PTPRU: variants seen among roughly 807,000 people sequenced by gnomAD.
PTPRU encodes protein tyrosine phosphatase receptor type U.
Under a neutral mutation model 166.3 loss-of-function variants are expected in PTPRU, and 69 were observed. The ratio of observed to expected loss-of-function variants is 0.41; its 90% CI spans 0.34 to 0.51. The LOEUF (loss-of-function observed/expected upper bound fraction) is 0.51, where lower values mean the gene tolerates loss of function less well. PTPRU is among the 20% of genes least tolerant of loss of function. The probability of loss-of-function intolerance (pLI) is 0.09; values close to 1 mark genes in which losing one functional copy is unlikely to be tolerated. For missense variants in PTPRU, 1,657 were observed against 2,013.7 expected (o/e 0.82, Z 3.39); for synonymous variants, 793 against 814.0 (o/e 0.97, Z 0.44).
chr1:29,277,011 C>T (rs916860688), intron 8 of PTPRU, among the ~76,000 whole-genome samples: 186 of 152,320 alleles, frequency 1.2e-3, no homozygotes, highest in African/African-American at 4.3e-3. Context: ...GTTGTCTATA[C>T]AATTGAACTG....
rs200502248 is a variant in PTPRU, at chr1:29,279,043, C to G, written c.1485C>G (p.Thr495=). 6.3e-7 allele frequency: 1 copy of G among 1,592,144 alleles called. No homozygotes were observed. Among genetic ancestry groups the G allele is most frequent in the Non-Finnish European group, 8.6e-7 (1 of 1,168,906 alleles). ...VPSGIAAESL[T]FTPLEDMIFL... ...GTGGGATTGCAGCCGAGTCCCTGACCTTCACTCCACTGGAGGACATGATCT... is the reference window on the plus strand; with the variant it reads ...GTGGGATTGCAGCCGAGTCCCTGACGTTCACTCCACTGGAGGACATGATCT... Residue 495 remains threonine (T), a synonymous_variant, in exon 9 of 30, where the codon ACC becomes ACG. Transcript: ENST00000373779. This position sits in a 1 kb window ranked among gnomAD's most constrained non-coding sequence, Gnocchi z 5.2.
chr1:29,315,289 C>A lies in PTPRU; in HGVS notation c.3228-83C>A. On this transcript the variant is annotated intron_variant, in intron 22 of 29. Transcript: ENST00000373779. This position sits in a 1 kb window ranked among gnomAD's most constrained non-coding sequence, Gnocchi z 4.5. The stretch of plus-strand genomic sequence containing the variant: ...TGTCCCCTGTATGGTGTAGACATGG[C>A]CAGTGCCCTCCTCTCTTCTTCTCCT... 4 of 1,548,784 alleles carry A rather than the reference C, an allele frequency of 2.6e-6. No individual in the cohort carries two copies. Among genetic ancestry groups the A allele is most frequent in the South Asian group, 1.1e-5 (1 of 88,030 alleles).
intron 5 of PTPRU, 40 bp downstream of exon 5, chr1:29,259,604 A>AGGGGGGGG: frequency 3.6e-6 from 1 of 280,240 alleles, no homozygotes. Flanking sequence ...GCGGGGTGGG[A>AGGGGGGGG]GGGGGTTGGT....
At chr1:29,318,055 G>A in intron 25 of PTPRU, 134 bp downstream of exon 25, 1 of 1,197,624 alleles carries the variant, frequency 8.3e-7, no homozygotes. Flanking sequence ...AGGCCTGTGT[G>A]TGACCCTCCT....
Position 29,314,881 on chromosome 1 carries a change from G to A in PTPRU, c.3228-491G>A, listed in dbSNP as rs186782117. Among the ~76,000 whole-genome samples the A allele has an allele frequency of 2.0e-3, 304 of 152,204 alleles. 1 individual carries two copies. The highest frequency in any genetic ancestry group is 7.1e-3 in the African/African-American group (295 of 41,526). On this transcript the variant is annotated intron_variant, in intron 22 of 29. Coordinates refer to ENST00000373779, the MANE Select transcript of PTPRU (RefSeq NM_133178.4). ...GGCCTGAGCCACCGTGCCTGGCCAC[G>A]AAGAGTGTTTTAATAAAAACCTGCC...
Position 29,323,724 on chromosome 1 carries a change from C to T in PTPRU, c.4048C>T (p.Leu1350=). The part of the protein sequence containing the change: ...TPDSKKAFLH[L]LAEVDKWQAE... ...TGACTCCAAGAAGGCCTTCTTGCAC[C>T]TGCTGGCTGAGGTGGACAAGTGGCA... The change falls in exon 28 of 30, where the codon CTG becomes TTG. Residue 1350 remains leucine (L), a synonymous_variant. Transcript: ENST00000373779. 1 of 1,614,170 alleles carries T rather than the reference C, an allele frequency of 6.2e-7. No homozygotes were observed. The highest frequency in any genetic ancestry group is 8.5e-7 in the Non-Finnish European group (1 of 1,180,016).
chr1:29,259,758 G>T, intron 5 of PTPRU, 112 bp from the exon 6 acceptor site: 2 of 1,345,056 alleles, frequency 1.5e-6, no homozygotes, highest in East Asian at 2.5e-5. Flanking sequence ...GCGGCTCCAG[G>T]AACCTATGTC....
Position 29,291,749 on chromosome 1 carries a change from T to C in PTPRU, c.2319-120T>C. On this transcript the variant is annotated intron_variant, in intron 14 of 29. Transcript: ENST00000373779. This position sits in a 1 kb window ranked among gnomAD's most constrained non-coding sequence, Gnocchi z 4.1. ...AGAGCCCTCAGCATCCAGAGATGCT[T>C]CTAGGACAGCTGCTGGCTCCTGGCC... 9.4e-7 allele frequency: 1 copy of C among 1,068,382 alleles called. No individual in the cohort carries two copies. Among genetic ancestry groups the C allele is most frequent in the Non-Finnish European group, 1.4e-6 (1 of 733,196 alleles). The allele number at this position is 1,068,382 out of a possible 1,614,324, so 66.2% of individuals were successfully genotyped here.
At position 29,257,687 on chromosome 1, in the gene PTPRU, G is replaced by C. The variant is rs749941510; in HGVS notation, c.206-818G>C. Among the ~76,000 whole-genome samples the C allele has an allele frequency of 6.6e-6, 1 of 152,194 alleles. No homozygotes were observed. The highest frequency in any genetic ancestry group is 2.4e-5 in the African/African-American group (1 of 41,444). On this transcript the variant is annotated intron_variant, in intron 2 of 29. Coordinates refer to ENST00000373779, the MANE Select transcript of PTPRU (RefSeq NM_133178.4). This position sits in a 1 kb window ranked among gnomAD's most constrained non-coding sequence, Gnocchi z 4.6. ...GTTGGAATCCTTTCATTCAATCTCT[G>C]TTCTACATATTCATTCAGCTTGCGT...
intron 2 of PTPRU, among the ~76,000 whole-genome samples, chr1:29,256,326 C>T (rs1684769814): frequency 6.6e-6 from 1 of 152,176 alleles, no homozygotes; most frequent in Non-Finnish European, 1.5e-5. Flanking sequence ...AACTTTATTA[C>T]TGATAAGGGC....
chr1:29,244,458 G>A (rs1423397399), intron 1 of PTPRU, among the ~76,000 whole-genome samples: 1 of 152,102 alleles, frequency 6.6e-6, no homozygotes, highest in Non-Finnish European at 1.5e-5. Flanking sequence ...GTGACAACTG[G>A]GAGCTATCAG....
At chr1:29,255,587 A>G (rs182367073) in intron 2 of PTPRU, among the ~76,000 whole-genome samples, 181 bp downstream of exon 2, 13 of 152,328 alleles carry the variant, frequency 8.5e-5, no homozygotes, top group African/African-American at 3.1e-4. Context: ...TGTGCATGTC[A>G]GCTAGTTTCG....
In PTPRU at chr1:29,271,595, A is replaced by C. The variant is rs1012481109; in HGVS notation, c.1145-3853A>C. On this transcript the variant is annotated intron_variant, in intron 7 of 29. Transcript: ENST00000373779. This position sits in a 1 kb window ranked among gnomAD's most constrained non-coding sequence, Gnocchi z 4.4. Reference sequence around the variant, plus strand: ...AGCTTGAGTAGGTTGCCAGTATTTAAAAATCTGGAGATTTCACATAAAAAT... The same window carrying C: ...AGCTTGAGTAGGTTGCCAGTATTTACAAATCTGGAGATTTCACATAAAAAT... Among the ~76,000 whole-genome samples the C allele has an allele frequency of 2.0e-5, 3 of 152,156 alleles. No individual in the cohort carries two copies. Among genetic ancestry groups the C allele is most frequent in the Admixed American group, 6.5e-5 (1 of 15,272 alleles).
At chr1:29,261,746 T>C (rs1219308518) in intron 7 of PTPRU, among the ~76,000 whole-genome samples, 1 of 152,142 alleles carries the variant, frequency 6.6e-6, no homozygotes, top group Non-Finnish European at 1.5e-5. Context: ...TTGGCCAGGC[T>C]GGTCACAAAC....
Position 29,275,446 on chromosome 1 carries a change from A to G in PTPRU, c.1145-2A>G. 6.2e-7 allele frequency: 1 copy of G among 1,610,072 alleles called. No homozygotes were observed. Among genetic ancestry groups the G allele is most frequent in the Non-Finnish European group, 8.5e-7 (1 of 1,176,630 alleles). Reference sequence around the variant, plus strand: ...CTTCTCTCTGCTTCCTGCATTCTCCAGAGCCCATGAGGGCCCCCAAAGGCC... The same window carrying G: ...CTTCTCTCTGCTTCCTGCATTCTCCGGAGCCCATGAGGGCCCCCAAAGGCC... On this transcript the variant is annotated splice_acceptor_variant, in intron 7 of 29. Coordinates refer to ENST00000373779, the MANE Select transcript of PTPRU (RefSeq NM_133178.4). LOFTEE classifies it high-confidence loss of function.
intron 26 of PTPRU, among the ~76,000 whole-genome samples, chr1:29,322,837 C>G (rs1010745292): frequency 6.6e-6 from 1 of 152,034 alleles, no homozygotes; most frequent in Non-Finnish European, 1.5e-5. Flanking sequence ...TCCTCTGTCC[C>G]TCCACAGTCT....
chr1:29,282,654 G>C, intron 11 of PTPRU, 22 bp from the exon 12 acceptor site: 3 of 1,607,126 alleles, frequency 1.9e-6, no homozygotes, highest in Non-Finnish European at 1.7e-6. Context: ...GTGATCCCCT[G>C]TACGCTCTCC....
chr1:29,310,755 G>C lies in PTPRU; in HGVS notation c.2832G>C (p.Arg944Ser). 2 of 1,613,922 alleles carry C rather than the reference G, an allele frequency of 1.2e-6. No individual in the cohort carries two copies. Among genetic ancestry groups the C allele is most frequent in the Non-Finnish European group, 1.7e-6 (2 of 1,179,850 alleles). Residue 944 changes from arginine to serine, a missense_variant, in exon 19 of 30, where the codon AGG (arginine) becomes AGC (serine). Coordinates refer to ENST00000373779, the MANE Select transcript of PTPRU (RefSeq NM_133178.4). The stretch of plus-strand genomic sequence containing the variant: ...TCCTCCTGTTCCAGGGTTACCACAG[G>C]TCAAACCACTTCATAGCCACTCAAG... ...INANYIDGYH[R>S]SNHFIATQGP...
Position 29,325,754 on chromosome 1 carries a change from A to G in PTPRU, c.*93A>G, listed in dbSNP as rs937049224. On this transcript the variant is annotated 3_prime_UTR_variant, in exon 30 of 30. Transcript: ENST00000373779. ...AGATCAGTGCCTCCTGCTCTGCCCA[A>G]ACACACTCCCATGGGGCAAGCACTG... The G allele has an allele frequency of 3.6e-5, 48 of 1,326,412 alleles. No individual in the cohort carries two copies. The highest frequency in any genetic ancestry group is 4.8e-5 in the Non-Finnish European group (46 of 967,042). 82.2% of individuals were successfully genotyped at this position (1,326,412 alleles called of 1,614,324 possible). A position where few individuals can be genotyped will look rare whatever the true frequency, so the allele number is the denominator to read the frequency against.
Sources: gnomAD v4.1 joint callset for allele counts (sites outside exome capture counted in the v4.1 genomes callset) on GRCh38, gnomAD v4.1.1 for gene constraint, Gnocchi (gnomAD v3.1) non-coding constraint, MANE v1.5 for transcripts, NCBI Gene and HGNC (gene_info 2026-07-23, HGNC 2026-07-21) for gene names.